Variants in CSRP3 observed in about 807,000 individuals in gnomAD.
The protein encoded by CSRP3 is cysteine and glycine rich protein 3, also known as cysteine and glycine-rich protein 3.
Under a neutral mutation model 24.3 loss-of-function variants are expected in CSRP3, and 24 were observed. That is an observed-to-expected ratio of 0.99 (90% CI 0.71 to 1.39). The LOEUF is 1.39. Ranked by LOEUF, CSRP3 falls within the 40% of genes most tolerant of loss-of-function variation. The pLI, the probability that CSRP3 is intolerant of heterozygous loss-of-function variation, is 0.00. For missense variants in CSRP3, 240 were observed against 249.0 expected (o/e 0.96, Z 0.24); for synonymous variants, 105 against 94.0 (o/e 1.12, Z -0.68).
chr11:19,184,880 T>TTCCTG (rs1667280042), intron 5 of CSRP3, 72 bp downstream of exon 5: 2 of 1,142,898 alleles, frequency 1.7e-6, no homozygotes, highest in African/African-American at 1.5e-5. Flanking sequence ...CCTCCAGGCA[T>TTCCTG]GAACGTAATT....
At chr11:19,185,526 T>G (rs1037186502) in intron 4 of CSRP3, among the ~76,000 whole-genome samples, 6 of 152,234 alleles carry the variant, frequency 3.9e-5, no homozygotes, top group Non-Finnish European at 7.3e-5. Context: ...ATCTCCATCC[T>G]CCTGCACATC....
chr11:19,182,656 A>G lies in CSRP3; in HGVS notation c.*14T>C. 6.2e-7 allele frequency: 1 copy of G among 1,613,130 alleles called. No homozygotes were observed. The highest frequency in any genetic ancestry group is 8.5e-7 in the Non-Finnish European group (1 of 1,179,116). On this transcript the variant is annotated 3_prime_UTR_variant, in exon 6 of 6. Coordinates refer to ENST00000265968, the MANE Select transcript of CSRP3 (RefSeq NM_003476.5). Reference sequence around the variant, plus strand: ...TTTTAGGCTCGCAAAAAATCTGAGAAACGGCGCACCTCTTCATTCTTTCTT... The same window carrying G: ...TTTTAGGCTCGCAAAAAATCTGAGAGACGGCGCACCTCTTCATTCTTTCTT...
At chr11:19,197,501 C>CTCCTTCTT (rs1850748044) in intron 1 of CSRP3, among the ~76,000 whole-genome samples, 1 of 67,068 alleles carries the variant, frequency 1.5e-5, no homozygotes, top group Non-Finnish European at 3.1e-5. Context: ...CCCTCTTTTC[C>CTCCTTCTT]TCTTTCTTTC....
At chr11:19,192,917 T>A (rs1238936852) in intron 1 of CSRP3, among the ~76,000 whole-genome samples, 1 of 152,204 alleles carries the variant, frequency 6.6e-6, no homozygotes, top group East Asian at 1.9e-4. Flanking sequence ...TAGACCTTGC[T>A]AAATGCAGAT....
chr11:19,191,925 G>T (rs1029724115), intron 2 of CSRP3, among the ~76,000 whole-genome samples: 1 of 152,154 alleles, frequency 6.6e-6, no homozygotes, highest in African/African-American at 2.4e-5. Flanking sequence ...GTCACAGCTG[G>T]CTTCAGTCAC....
intron 3 of CSRP3, among the ~76,000 whole-genome samples, chr11:19,186,657 A>ATTG (rs553802306): frequency 2.6e-4 from 40 of 152,060 alleles, no homozygotes; most frequent in Admixed American, 8.5e-4. Context: ...AGCTTGTGTT[A>ATTG]TTGTTGTTGT....
At chr11:19,193,275 G>C (rs1196769274) in intron 1 of CSRP3, among the ~76,000 whole-genome samples, 3 of 151,992 alleles carry the variant, frequency 2.0e-5, no homozygotes, top group Non-Finnish European at 2.9e-5. Flanking sequence ...CACCTATACA[G>C]TTATTCTTTT....
In CSRP3 at chr11:19,188,939, G is replaced by A. The variant is rs148724411; in HGVS notation, c.113-635C>T. On this transcript the variant is annotated intron_variant, in intron 2 of 5. Coordinates refer to ENST00000265968, the MANE Select transcript of CSRP3 (RefSeq NM_003476.5). ...TAATGTAAAGTATCCTCCAGTATAA[G>A]GCAATCAAGCCCTCATTTTTCCAAA... Among the ~76,000 whole-genome samples the A allele has an allele frequency of 2.9e-3, 443 of 151,914 alleles. 5 individuals are homozygous for A. The highest frequency in any genetic ancestry group is 0.01 in the African/African-American group (424 of 41,414).
chr11:19,199,499 C>G (rs971046728), intron 1 of CSRP3, among the ~76,000 whole-genome samples: 3 of 152,182 alleles, frequency 2.0e-5, no homozygotes, highest in Non-Finnish European at 4.4e-5. Flanking sequence ...AAAACTCACT[C>G]TTTGTTCTAT....
In CSRP3 at chr11:19,188,195, T is replaced by G. The variant is rs762915899; in HGVS notation, c.222A>C (p.Gly74=). The change falls in exon 3 of 6, where the codon GGA becomes GGC. Residue 74 remains glycine (G), a synonymous_variant. Transcript: ENST00000265968. ...CTGTGCTGAGACAGCCAGCGCCTTGTCCATACCCGATCCCTTTGGGGCCAT... is the reference window on the plus strand; with the variant it reads ...CTGTGCTGAGACAGCCAGCGCCTTGGCCATACCCGATCCCTTTGGGGCCAT... ...RRYGPKGIGY[G]QGAGCLSTDT... The G allele has an allele frequency of 1.9e-6, 3 of 1,613,908 alleles. No homozygotes were observed. Among genetic ancestry groups the G allele is most frequent in the Admixed American group, 3.3e-5 (2 of 60,014 alleles).
chr11:19,191,459 G>A (rs1850612921), intron 2 of CSRP3, among the ~76,000 whole-genome samples: 4 of 152,080 alleles, frequency 2.6e-5, no homozygotes. Flanking sequence ...CAGACCTCCT[G>A]GACAGAAGCA....
intron 1 of CSRP3, among the ~76,000 whole-genome samples, chr11:19,194,279 C>T (rs1222805306): frequency 2.0e-5 from 3 of 152,190 alleles, no homozygotes; most frequent in African/African-American, 7.2e-5. Flanking sequence ...AAGAGCTTTT[C>T]CTGCTTAGAA....
intron 1 of CSRP3, among the ~76,000 whole-genome samples, chr11:19,201,262 G>T (rs910303018): frequency 3.9e-5 from 6 of 152,132 alleles, no homozygotes; most frequent in Admixed American, 3.9e-4. Context: ...TCTTTTTGGG[G>T]TCCAGTTTTG....
At chr11:19,197,339 TC>T (rs1850731471) in intron 1 of CSRP3, among the ~76,000 whole-genome samples, 1 of 46,936 alleles carries the variant, frequency 2.1e-5, no homozygotes, top group Non-Finnish European at 3.5e-5. Context: ...CAACTATTTC[TC>T]CCTCCCTCCC....
At chr11:19,189,450 A>T (rs1329575661) in intron 2 of CSRP3, among the ~76,000 whole-genome samples, 1 of 152,240 alleles carries the variant, frequency 6.6e-6, no homozygotes, top group Non-Finnish European at 1.5e-5. Context: ...TGCTTATAAT[A>T]GGGAGATAAT....
chr11:19,182,227 G>T lies in CSRP3; in HGVS notation c.*443C>A. The T allele has an allele frequency of 5.9e-6, 1 of 170,110 alleles. No individual in the cohort carries two copies. The highest frequency in any genetic ancestry group is 1.3e-5 in the Non-Finnish European group (1 of 77,510). The allele number at this position is 170,110 out of a possible 1,614,324, so 10.5% of individuals were successfully genotyped here. A position where few individuals can be genotyped will look rare whatever the true frequency, so the allele number is the denominator to read the frequency against. ...CCCCCTGTTTTCTTCTCCATTAGCA[G>T]TAACTAGAAAGACACTTGGCTGACA... On this transcript the variant is annotated 3_prime_UTR_variant, in exon 6 of 6. Coordinates refer to ENST00000265968, the MANE Select transcript of CSRP3 (RefSeq NM_003476.5).
chr11:19,185,265 CAT>C (rs1191341417), intron 4 of CSRP3, among the ~76,000 whole-genome samples: 1 of 152,202 alleles, frequency 6.6e-6, no homozygotes, highest in Non-Finnish European at 1.5e-5. Context: ...TGGTGATTTG[CAT>C]ATGTTTTCCT....
chr11:19,184,831 C>A, intron 5 of CSRP3, 121 bp downstream of exon 5: 1 of 800,224 alleles, frequency 1.2e-6, no homozygotes. Flanking sequence ...CAACGCTGCC[C>A]AGGCTGAGCA....
At chr11:19,188,746 T>C (rs1249866085) in intron 2 of CSRP3, among the ~76,000 whole-genome samples, 1 of 151,982 alleles carries the variant, frequency 6.6e-6, no homozygotes, top group Non-Finnish European at 1.5e-5. Flanking sequence ...GCACTTTCTG[T>C]ACTTACCACA....
Sources: allele counts gnomAD v4.1 joint callset (sites outside exome capture counted in the v4.1 genomes callset), GRCh38; gene constraint gnomAD v4.1.1; transcripts MANE v1.5; gene names NCBI Gene and HGNC (gene_info 2026-07-23, HGNC 2026-07-21).